The following ASB17 variants were observed in gnomAD, a reference collection of about 807,000 sequenced individuals.
ASB17 encodes the protein ankyrin repeat and SOCS box protein 17.
A neutral mutation model predicts 25.7 loss-of-function variants in ASB17; 26 were observed. The observed-to-expected ratio is 1.01, with a 90% CI of 0.74 to 1.40. The LOEUF (loss-of-function observed/expected upper bound fraction) is 1.40, where lower values mean the gene tolerates loss of function less well. ASB17 is among the 40% of genes most tolerant of loss of function. The probability of loss-of-function intolerance (pLI) is 0.00; values close to 1 mark genes in which losing one functional copy is unlikely to be tolerated. For synonymous variants in ASB17, 128 were observed against 121.4 expected (o/e 1.05, Z -0.36); for missense variants, 326 against 338.5 (o/e 0.96, Z 0.29).
chr1:75,931,871 A>G lies in ASB17; in HGVS notation c.401+20T>C, dbSNP rs753891186. The G allele has an allele frequency of 1.9e-6, 3 of 1,543,196 alleles. No individual in the cohort carries two copies. Among genetic ancestry groups the G allele is most frequent in the South Asian group, 2.5e-5 (2 of 78,556 alleles). On this transcript the variant is annotated intron_variant, in intron 1 of 2. Coordinates refer to ENST00000284142, the MANE Select transcript of ASB17 (RefSeq NM_080868.3). ...AGATAAATTTTCTTGTTCTATAGTG[A>G]AAACATATGAAATTATTACCTCCAT...
intron 1 of ASB17, among the ~76,000 whole-genome samples, chr1:75,924,316 C>A (rs945045648): frequency 6.6e-6 from 1 of 152,026 alleles, no homozygotes; most frequent in Non-Finnish European, 1.5e-5. Flanking sequence ...AGAGCCCTTA[C>A]CCCCTGCTGG....
At chr1:75,929,622 G>A (rs1653269629) in intron 1 of ASB17, among the ~76,000 whole-genome samples, 1 of 152,104 alleles carries the variant, frequency 6.6e-6, no homozygotes, top group Non-Finnish European at 1.5e-5. Context: ...GTTGATATGA[G>A]CCATTTTGTA....
chr1:75,925,219 T>C (rs1468609047), intron 1 of ASB17, among the ~76,000 whole-genome samples: 3 of 152,232 alleles, frequency 2.0e-5, no homozygotes, highest in African/African-American at 4.8e-5. Flanking sequence ...CTTTCAGGTC[T>C]AACAAGATTT....
chr1:75,923,340 G>A (rs890835684), intron 1 of ASB17, among the ~76,000 whole-genome samples: 13 of 152,146 alleles, frequency 8.5e-5, no homozygotes, highest in African/African-American at 3.1e-4. Flanking sequence ...TCACATGATG[G>A]CTAGACTTAA....
chr1:75,925,737 C>T (rs1348274681), intron 1 of ASB17, among the ~76,000 whole-genome samples: 1 of 152,176 alleles, frequency 6.6e-6, no homozygotes, highest in Admixed American at 6.5e-5. Flanking sequence ...TCCATACAGA[C>T]ATGCAGAGAA....
intron 1 of ASB17, among the ~76,000 whole-genome samples, chr1:75,929,543 G>A (rs1402390749): frequency 1.3e-5 from 2 of 152,122 alleles, no homozygotes; most frequent in Non-Finnish European, 2.9e-5. Context: ...TAAAAAAGGG[G>A]TATTGTTTGA....
intron 1 of ASB17, among the ~76,000 whole-genome samples, chr1:75,931,275 T>G (rs1557546358): frequency 6.6e-6 from 1 of 152,222 alleles, no homozygotes; most frequent in African/African-American, 2.4e-5. Flanking sequence ...AAATTCTATA[T>G]TATGGACTCT....
chr1:75,931,962 A>G lies in ASB17; in HGVS notation c.330T>C (p.Phe110=). Residue 110 remains phenylalanine (F), a synonymous_variant, in exon 1 of 3, where the codon TTT becomes TTC. Transcript: ENST00000284142. ...TTGTCTTCTTGAGAAGCAATTCCAC[A>G]AAGTCAGGATTACCTTTTCTGGCAA... ...WVFARKGNPD[F]VELLLKKTKD... is the part of the protein sequence containing the mutation. The G allele has an allele frequency of 6.2e-7, 1 of 1,613,960 alleles. No homozygotes were observed. The highest frequency in any genetic ancestry group is 8.5e-7 in the Non-Finnish European group (1 of 1,179,938).
intron 1 of ASB17, among the ~76,000 whole-genome samples, chr1:75,929,977 G>T (rs968018): frequency 1.4e-5 from 2 of 145,168 alleles, no homozygotes; most frequent in Non-Finnish European, 3.0e-5. Flanking sequence ...CAGAGAGGGG[G>T]GGTGAGTTAG....
At chr1:75,920,004 G>C (rs1652985196) in intron 2 of ASB17, among the ~76,000 whole-genome samples, 1 of 152,176 alleles carries the variant, frequency 6.6e-6, no homozygotes. Flanking sequence ...TCTTCCTGAA[G>C]AGTAGTAACG....
At chr1:75,931,771 G>C in intron 1 of ASB17, 120 bp downstream of exon 1, 1 of 817,592 alleles carries the variant, frequency 1.2e-6, no homozygotes, top group Non-Finnish European at 1.8e-6. Context: ...CAAGCAATTA[G>C]GTGAGAATTC....
chr1:75,931,983 G>A lies in ASB17; in HGVS notation c.309C>T (p.Ala103=), dbSNP rs752805168. The A allele has an allele frequency of 1.1e-5, 18 of 1,613,800 alleles. No homozygotes were observed. In the East Asian group the frequency reaches 4.0e-4, roughly 36 times the overall value. The change falls in exon 1 of 3, where the codon GCC becomes GCT. Residue 103 remains alanine (A), a synonymous_variant. Transcript: ENST00000284142. The part of the protein sequence containing the change: ...CVNTILYWVF[A]RKGNPDFVEL... ...CCACAAAGTCAGGATTACCTTTTCT[G>A]GCAAAAACCCAGTACAGAATTGTAT...
chr1:75,922,498 T>TC (rs1457566431), intron 1 of ASB17, 139 bp from the exon 2 acceptor site: 6 of 617,308 alleles, frequency 9.7e-6, no homozygotes, highest in Non-Finnish European at 1.4e-5. Flanking sequence ...CTTTTTTTTT[T>TC]TTTTTTTTTT....
intron 1 of ASB17, among the ~76,000 whole-genome samples, chr1:75,925,403 T>G (rs1653144961): frequency 6.6e-6 from 1 of 152,126 alleles, no homozygotes; most frequent in African/African-American, 2.4e-5. Context: ...TTGTTGATTC[T>G]AAGATATTAA....
At position 75,931,923 on chromosome 1, in the gene ASB17, T is replaced by C; in HGVS notation, c.369A>G (p.Gln123=). Residue 123 remains glutamine, a synonymous_variant, in exon 1 of 3, where the codon CAA becomes CAG. Coordinates refer to ENST00000284142, the MANE Select transcript of ASB17 (RefSeq NM_080868.3). ...TCAGTGCCAGGTTACAACTTCTGTCTTGAACATAGTCTTTTGTCTTCTTGA... is the reference window on the plus strand; with the variant it reads ...TCAGTGCCAGGTTACAACTTCTGTCCTGAACATAGTCTTTTGTCTTCTTGA... ...LLLKKTKDYV[Q]DRSCNLALIW... is the part of the protein sequence containing the mutation. The C allele has an allele frequency of 6.2e-7, 1 of 1,611,562 alleles. No individual in the cohort carries two copies. The highest frequency in any genetic ancestry group is 1.3e-5 in the African/African-American group (1 of 74,932).
rs1286544882 is a variant in ASB17 at position 75,925,276 on chromosome 1, T to C, written c.402-2917A>G. On this transcript the variant is annotated intron_variant, in intron 1 of 2. Transcript: ENST00000284142. ...AACTTTTCAAAGGCAGTTTAATGTATTCATCTTGCTTGTTCTTAAGAAAAT... is the reference window on the plus strand; with the variant it reads ...AACTTTTCAAAGGCAGTTTAATGTACTCATCTTGCTTGTTCTTAAGAAAAT... 2.0e-5 allele frequency among the ~76,000 whole-genome samples: 3 copies of C among 152,252 alleles called. No individual in the cohort carries two copies. In the East Asian group the frequency reaches 5.8e-4, roughly 29 times the overall value.
chr1:75,921,733 T>C (rs960824173), intron 2 of ASB17, among the ~76,000 whole-genome samples: 34 of 152,190 alleles, frequency 2.2e-4, no homozygotes, highest in African/African-American at 8.0e-4. Flanking sequence ...TAACCCTTAT[T>C]TTGAAATATT....
rs111447574 is a variant in ASB17 at position 75,924,299 on chromosome 1, A to G, written c.402-1940T>C. ...TAAGAAAAAAGAGTTTTTCTGGTTGATGTCCTAGAGCCCTTACCCCCTGCT... is the reference window on the plus strand; with the variant it reads ...TAAGAAAAAAGAGTTTTTCTGGTTGGTGTCCTAGAGCCCTTACCCCCTGCT... On this transcript the variant is annotated intron_variant, in intron 1 of 2. Transcript: ENST00000284142. Among the ~76,000 whole-genome samples, 986 of 152,256 alleles carry G rather than the reference A, an allele frequency of 6.5e-3. 12 individuals carry two copies. The highest frequency in any genetic ancestry group is 0.022 in the African/African-American group (935 of 41,556).
intron 1 of ASB17, among the ~76,000 whole-genome samples, chr1:75,927,682 C>T (rs565907276): frequency 1.3e-5 from 2 of 152,206 alleles, no homozygotes; most frequent in Admixed American, 6.5e-5. Context: ...CACTTTCCCC[C>T]CAACTCTTCC....
Sources: allele counts gnomAD v4.1 joint callset (sites outside exome capture counted in the v4.1 genomes callset), GRCh38; gene constraint gnomAD v4.1.1; transcripts MANE v1.5; gene names NCBI Gene and HGNC (gene_info 2026-07-23, HGNC 2026-07-21).